FGFR2: variants seen among roughly 807,000 people sequenced by gnomAD.
FGFR2 encodes fibroblast growth factor receptor 2.
A neutral mutation model predicts 95.9 loss-of-function variants in FGFR2; 19 were observed. The observed-to-expected ratio is 0.20, with a 90% CI of 0.14 to 0.29. FGFR2 has a LOEUF of 0.29. Ranked by LOEUF, FGFR2 falls within the 10% of genes least tolerant of loss-of-function variation. FGFR2 has a pLI of 1.00. For missense variants in FGFR2, 707 were observed against 1,056.9 expected (o/e 0.67, Z 4.59); for synonymous variants, 392 against 393.3 (o/e 1.00, Z 0.04).
intron 5 of FGFR2, among the ~76,000 whole-genome samples, chr10:121,542,338 A>T (rs1450636459): frequency 6.6e-6 from 1 of 152,208 alleles, no homozygotes; most frequent in Non-Finnish European, 1.5e-5. Flanking sequence ...GGTATTGCCT[A>T]CTTTTTTCTT....
At chr10:121,550,734 G>A (rs1466402624) in intron 5 of FGFR2, among the ~76,000 whole-genome samples, 1 of 151,950 alleles carries the variant, frequency 6.6e-6, no homozygotes, top group Non-Finnish European at 1.5e-5. Context: ...CTCAACTTTC[G>A]ACCCTTCTGT....
At chr10:121,580,616 G>A (rs912392472) in intron 2 of FGFR2, among the ~76,000 whole-genome samples, 5 of 152,124 alleles carry the variant, frequency 3.3e-5, no homozygotes, top group Admixed American at 6.5e-5. Context: ...GTTTTGCACC[G>A]CAGGACCCAA....
At chr10:121,493,338 GTC>G (rs1846377594) in intron 13 of FGFR2, among the ~76,000 whole-genome samples, 1 of 152,088 alleles carries the variant, frequency 6.6e-6, no homozygotes, top group Non-Finnish European at 1.5e-5. Context: ...AGCAAAGTTC[GTC>G]TCTTAGTTTT....
chr10:121,483,598 A>G lies in FGFR2; in HGVS notation c.2301+100T>C, dbSNP rs1432727579. ...ATGGAAAAAGAATAAACAAGACCAC[A>G]GACTCCAACCAACAGCCAACAGGGG... On this transcript the variant is annotated intron_variant, in intron 17 of 17. Transcript: ENST00000358487. 6.0e-6 allele frequency: 5 copies of G among 830,540 alleles called. No homozygotes were observed. The East Asian group carries it at 7.8e-5, about 13-fold the overall frequency. 51.4% of individuals were successfully genotyped at this position (830,540 alleles called of 1,614,324 possible).
chr10:121,536,191 A>G (rs1852795686), intron 6 of FGFR2, among the ~76,000 whole-genome samples: 1 of 152,216 alleles, frequency 6.6e-6, no homozygotes. Context: ...CTGTACGTCT[A>G]TATGAGCCTC....
At chr10:121,564,480 T>A (rs2135085647) in intron 4 of FGFR2, 22 bp downstream of exon 4, 10 of 1,608,100 alleles carry the variant, frequency 6.2e-6, no homozygotes, top group Admixed American at 3.3e-5. Flanking sequence ...TCGGGGACCA[T>A]CGGAGCCGGG....
In FGFR2 at chr10:121,590,608, C is replaced by A. The variant is rs543461611; in HGVS notation, c.109+3101G>T. The stretch of plus-strand genomic sequence containing the variant: ...CTTAAGTCAATTGAGTGGGCCCAAC[C>A]CCACTGCTACTATTTCAGAACGTGT... On this transcript the variant is annotated intron_variant, in intron 2 of 17. Coordinates refer to ENST00000358487, the MANE Select transcript of FGFR2 (RefSeq NM_000141.5). Among the ~76,000 whole-genome samples the A allele has an allele frequency of 1.6e-3, 246 of 152,198 alleles. 2 individuals are homozygous for A. Among genetic ancestry groups the A allele is most frequent in the African/African-American group, 5.4e-3 (224 of 41,526 alleles).
chr10:121,557,895 C>A (rs1331865080), intron 4 of FGFR2, among the ~76,000 whole-genome samples: 1 of 152,114 alleles, frequency 6.6e-6, no homozygotes, highest in Non-Finnish European at 1.5e-5. Flanking sequence ...AAAAAAATAG[C>A]CTTTCTCCCT....
chr10:121,505,848 G>C (rs1420410064), intron 9 of FGFR2, among the ~76,000 whole-genome samples: 1 of 152,182 alleles, frequency 6.6e-6, no homozygotes, highest in Non-Finnish European at 1.5e-5. Context: ...ATTCAGGAGC[G>C]GGTTTAACGG....
chr10:121,577,790 C>T lies in FGFR2; in HGVS notation c.110-12086G>A, dbSNP rs1455875709. Among the ~76,000 whole-genome samples, 4 of 151,930 alleles carry T rather than the reference C, an allele frequency of 2.6e-5. No individual in the cohort carries two copies. The East Asian group carries it at 5.8e-4, about 22-fold the overall frequency. On this transcript the variant is annotated intron_variant, in intron 2 of 17. Coordinates refer to ENST00000358487, the MANE Select transcript of FGFR2 (RefSeq NM_000141.5). ...TTGTAGGTTCATATTTCCACCTGCC[C>T]GGGGGGAGGAAATACATAACCTGGA...
intron 2 of FGFR2, among the ~76,000 whole-genome samples, chr10:121,567,873 C>A (rs771449544): frequency 1.6e-4 from 24 of 152,218 alleles, no homozygotes; most frequent in Non-Finnish European, 3.2e-4. Context: ...TATTTGCAGT[C>A]TTGCCTTTGC....
At chr10:121,552,729 A>G (rs1855576279) in intron 4 of FGFR2, among the ~76,000 whole-genome samples, 1 of 152,212 alleles carries the variant, frequency 6.6e-6, no homozygotes, top group Non-Finnish European at 1.5e-5. Context: ...CTGTACAGCA[A>G]TTTAACTATT....
In FGFR2 at chr10:121,593,784, C is replaced by T. The variant is rs143978938; in HGVS notation, c.34G>A (p.Val12Met). Residue 12 changes from valine (V) to methionine (M), a missense_variant, in exon 2 of 18, where the codon GTG (valine) becomes ATG (methionine). Transcript: ENST00000358487. ...VSWGRFICLV[V>M]VTMATLSLAR... is the part of the protein sequence containing the mutation. ...AGGGACAAGGTTGCCATGGTGACCA[C>T]GACCAGGCAGATGAAACGACCCCAG... is the stretch of plus-strand genomic sequence containing the variant. The T allele has an allele frequency of 1.5e-4, 247 of 1,614,196 alleles. 2 individuals carry two copies. The African/African-American group carries it at 1.9e-3, about 13-fold the overall frequency.
At position 121,531,857 on chromosome 10, in the gene FGFR2, A is replaced by AT. The variant is rs888783311; in HGVS notation, c.748+6734dup. ...GACAGCGATGGTTTATAAGAACAGGATGAGATGGCTGCTGGGGACACGAAA... is the reference window on the plus strand; with the variant it reads ...GACAGCGATGGTTTATAAGAACAGGATTGAGATGGCTGCTGGGGACACGAAA... On this transcript the variant is annotated intron_variant, in intron 6 of 17. Transcript: ENST00000358487. This position sits in a 1 kb window ranked among gnomAD's most constrained non-coding sequence, Gnocchi z 4.5. Among the ~76,000 whole-genome samples the AT allele has an allele frequency of 6.6e-6, 1 of 152,196 alleles. No individual in the cohort carries two copies. Among genetic ancestry groups the AT allele is most frequent in the Non-Finnish European group, 1.5e-5 (1 of 68,022 alleles).
intron 17 of FGFR2, among the ~76,000 whole-genome samples, chr10:121,480,726 C>T (rs904741865): frequency 4.6e-5 from 7 of 152,090 alleles, no homozygotes; most frequent in African/African-American, 1.7e-4. Flanking sequence ...AGGAAAATAT[C>T]GGTTAAGTTT....
chr10:121,556,546 A>G (rs1422186898), intron 4 of FGFR2, among the ~76,000 whole-genome samples: 1 of 152,126 alleles, frequency 6.6e-6, no homozygotes, highest in Non-Finnish European at 1.5e-5. Flanking sequence ...ACGACTGATG[A>G]TATCAATGTC....
chr10:121,587,930 G>T (rs1487898415), intron 2 of FGFR2, among the ~76,000 whole-genome samples: 1 of 152,164 alleles, frequency 6.6e-6, no homozygotes, highest in Non-Finnish European at 1.5e-5. Flanking sequence ...CTACCATAAA[G>T]ACACATGCAC....
Position 121,517,613 on chromosome 10 carries a change from C to T in FGFR2, c.940-150G>A. The stretch of plus-strand genomic sequence containing the variant: ...TGCAGCCCATCCACAAAGCCCACAA[C>T]CGAGAGACACGGAGCAACACTGACC... On this transcript the variant is annotated intron_variant, in intron 7 of 17. Coordinates refer to ENST00000358487, the MANE Select transcript of FGFR2 (RefSeq NM_000141.5). The surrounding 1 kb of genome is among the most constrained non-coding windows in gnomAD (Gnocchi z 4.7). 2.3e-6 allele frequency: 2 copies of T among 867,440 alleles called. No individual in the cohort carries two copies. The highest frequency in any genetic ancestry group is 4.0e-5 in the Admixed American group (2 of 50,016). The allele number at this position is 867,440 out of a possible 1,614,324, so 53.7% of individuals were successfully genotyped here. A position where few individuals can be genotyped will look rare whatever the true frequency, so the allele number is the denominator to read the frequency against.
chr10:121,566,549 C>A (rs1252832720), intron 2 of FGFR2, among the ~76,000 whole-genome samples: 2 of 152,098 alleles, frequency 1.3e-5, no homozygotes, highest in African/African-American at 4.8e-5. Context: ...GACAGTCCTT[C>A]CTCCCTCTCT....
Sources: allele counts gnomAD v4.1 joint callset (sites outside exome capture counted in the v4.1 genomes callset), GRCh38; gene constraint gnomAD v4.1.1; non-coding constraint Gnocchi (gnomAD v3.1); transcripts MANE v1.5; gene names NCBI Gene and HGNC (gene_info 2026-07-23, HGNC 2026-07-21).